The following DAB2IP variants were observed in gnomAD, a reference collection of about 807,000 sequenced individuals.
DAB2IP encodes DAB2 interacting protein.
DAB2IP carries 28 observed loss-of-function variants against 107.2 expected under a neutral mutation model. The ratio of observed to expected loss-of-function variants is 0.26; its 90% confidence interval spans 0.19 to 0.36. DAB2IP has a LOEUF of 0.36. DAB2IP is among the 10% of genes least tolerant of loss of function. DAB2IP has a pLI of 1.00. For synonymous variants in DAB2IP, 755 were observed against 706.4 expected (o/e 1.07, Z -1.09); for missense variants, 1,400 against 1,644.7 (o/e 0.85, Z 2.57).
At position 121,701,625 on chromosome 9, in the gene DAB2IP, G is replaced by A. The variant is rs1468569424; in HGVS notation, c.362+2167G>A. Among the ~76,000 whole-genome samples the A allele has an allele frequency of 6.6e-6, 1 of 152,162 alleles. No individual in the cohort carries two copies. On this transcript the variant is annotated intron_variant, in intron 3 of 15. Transcript: ENST00000408936. This position sits in a 1 kb window ranked among gnomAD's most constrained non-coding sequence, Gnocchi z 4.7. ...CTGAAATAGGCTTTCCCAGGACTGG[G>A]GTCTCCTGATTTGCTGCTTTGCTTA...
chr9:121,590,141 A>G (rs1830396903), intron 1 of DAB2IP, among the ~76,000 whole-genome samples: 1 of 151,530 alleles, frequency 6.6e-6, no homozygotes, highest in Non-Finnish European at 1.5e-5. Flanking sequence ...ATAGTGTCTG[A>G]CATCATCTCA....
chr9:121,593,693 A>C (rs1369707648), intron 1 of DAB2IP, among the ~76,000 whole-genome samples: 1 of 112,912 alleles, frequency 8.9e-6, no homozygotes, highest in Non-Finnish European at 1.7e-5. Flanking sequence ...TTTGTGACGG[A>C]GTCTCACTCT....
chr9:121,775,698 C>T (rs992204773), intron 13 of DAB2IP, among the ~76,000 whole-genome samples: 3 of 152,240 alleles, frequency 2.0e-5, no homozygotes, highest in Non-Finnish European at 4.4e-5. Flanking sequence ...TTCCTCATGC[C>T]ACTGCCACCC....
At chr9:121,725,752 G>C (rs900604583) in intron 3 of DAB2IP, among the ~76,000 whole-genome samples, 8 of 152,186 alleles carry the variant, frequency 5.3e-5, no homozygotes, top group African/African-American at 1.9e-4. Flanking sequence ...GGCATGCCAG[G>C]TAGTTGGGTA....
At chr9:121,639,833 C>A (rs1362153745) in intron 1 of DAB2IP, among the ~76,000 whole-genome samples, 2 of 152,128 alleles carry the variant, frequency 1.3e-5, no homozygotes, top group African/African-American at 2.4e-5. Context: ...TCAGTGCGGC[C>A]CACGGATGAC....
At chr9:121,569,442 A>G (rs1829883217) in intron 1 of DAB2IP, among the ~76,000 whole-genome samples, 1 of 152,250 alleles carries the variant, frequency 6.6e-6, no homozygotes, top group African/African-American at 2.4e-5. Flanking sequence ...GAAGAAGTCA[A>G]TGATTCCCTC....
At chr9:121,756,495 C>G (rs747481982) in intron 3 of DAB2IP, among the ~76,000 whole-genome samples, 49 of 152,234 alleles carry the variant, frequency 3.2e-4, no homozygotes, top group Non-Finnish European at 1.8e-4. Flanking sequence ...GCAGCAGGGT[C>G]CCTGTGGCTT....
intron 1 of DAB2IP, among the ~76,000 whole-genome samples, chr9:121,652,379 G>A (rs951241138): frequency 1.3e-5 from 2 of 152,162 alleles, no homozygotes; most frequent in Non-Finnish European, 2.9e-5. Flanking sequence ...GCGGGTGGGC[G>A]CCAGCTCCTT....
chr9:121,658,003 C>G (rs1589464357), intron 1 of DAB2IP, among the ~76,000 whole-genome samples: 1 of 152,148 alleles, frequency 6.6e-6, no homozygotes, highest in Non-Finnish European at 1.5e-5. Flanking sequence ...CCCTTTGTAT[C>G]CTGTTTCGGT....
chr9:121,567,329 C>T, intron 1 of DAB2IP: 6 of 1,556,682 alleles, frequency 3.9e-6, no homozygotes, highest in Non-Finnish European at 5.3e-6. Context: ...GGGAGGCAGT[C>T]AGGCATCTGG....
At chr9:121,744,424 A>AG (rs1832576486) in intron 3 of DAB2IP, among the ~76,000 whole-genome samples, 1 of 152,176 alleles carries the variant, frequency 6.6e-6, no homozygotes, top group Admixed American at 6.5e-5. Flanking sequence ...AGTCAGAGGA[A>AG]GGATTGGGCT....
intron 15 of DAB2IP, 145 bp downstream of exon 15, chr9:121,781,696 T>C (rs1835668380): frequency 1.2e-6 from 1 of 803,034 alleles, no homozygotes; most frequent in South Asian, 1.7e-5. Flanking sequence ...AAGTCAGACC[T>C]GTGGTCTTAG....
At chr9:121,584,846 C>T (rs146240076) in intron 1 of DAB2IP, among the ~76,000 whole-genome samples, 3 of 152,198 alleles carry the variant, frequency 2.0e-5, no homozygotes, top group East Asian at 1.9e-4. Context: ...AAAACCATGC[C>T]GTAAATTTCC....
intron 1 of DAB2IP, among the ~76,000 whole-genome samples, chr9:121,659,018 T>C (rs1039590974): frequency 3.3e-5 from 5 of 152,200 alleles, no homozygotes; most frequent in Admixed American, 6.5e-5. Flanking sequence ...TATTTCTTTT[T>C]CCTTGGCCTT....
At chr9:121,768,592 C>T (rs1412852381) in exon 10 of DAB2IP, 1 of 1,614,012 alleles carries the variant, frequency 6.2e-7, no homozygotes, top group African/African-American at 1.3e-5. Flanking sequence ...GCTCTCCAGC[C>T]TGCACTCACT....
intron 1 of DAB2IP, among the ~76,000 whole-genome samples, chr9:121,617,882 G>A (rs751167346): frequency 2.6e-5 from 4 of 152,090 alleles, no homozygotes; most frequent in African/African-American, 4.8e-5. Flanking sequence ...GAGGGGAGCC[G>A]GTTTCTCTGG....
intron 1 of DAB2IP, among the ~76,000 whole-genome samples, chr9:121,653,930 T>G (rs921239546): frequency 2.0e-5 from 3 of 152,194 alleles, no homozygotes; most frequent in African/African-American, 7.2e-5. Context: ...CAGGGAGAGC[T>G]TCACAGAGGA....
At chr9:121,735,336 G>A (rs1831821194) in intron 3 of DAB2IP, among the ~76,000 whole-genome samples, 1 of 152,218 alleles carries the variant, frequency 6.6e-6, no homozygotes. Flanking sequence ...GGACTTTCCA[G>A]GTTGGGGGCT....
At chr9:121,630,865 C>G (rs547932977) in intron 1 of DAB2IP, among the ~76,000 whole-genome samples, 1 of 152,320 alleles carries the variant, frequency 6.6e-6, no homozygotes, top group East Asian at 1.9e-4. Flanking sequence ...GGCTTGGCCT[C>G]CCAAAGTGCT....
Sources: allele counts gnomAD v4.1 joint callset (sites outside exome capture counted in the v4.1 genomes callset), GRCh38; gene constraint gnomAD v4.1.1; non-coding constraint Gnocchi (gnomAD v3.1); transcripts MANE v1.5; gene names NCBI Gene and HGNC (gene_info 2026-07-23, HGNC 2026-07-21).